TAF2: variants seen among roughly 807,000 people sequenced by gnomAD.
The protein encoded by TAF2 is transcription initiation factor TFIID subunit 2.
In TAF2, 61 loss-of-function variants were observed where a neutral mutation model predicts 138.5. That is an observed-to-expected ratio of 0.44 (90% CI 0.36 to 0.54). TAF2 has a LOEUF of 0.54. TAF2 is among the 20% of genes least tolerant of loss of function. The pLI is 0.00. For missense variants in TAF2, 1,090 were observed against 1,427.9 expected, an observed-to-expected ratio of 0.76 and a Z score of 3.81; for synonymous variants, 475 against 469.9, an observed-to-expected ratio of 1.01 and a Z score of -0.14.
chr8:119,739,816 T>TC (rs1157100337), intron 25 of TAF2, among the ~76,000 whole-genome samples: 1 of 151,220 alleles, frequency 6.6e-6, no homozygotes, highest in Non-Finnish European at 1.5e-5. Context: ...TCACACTTTT[T>TC]CAAGAAAAGC....
chr8:119,778,999 G>C (rs561875439), intron 17 of TAF2, among the ~76,000 whole-genome samples: 57 of 152,178 alleles, frequency 3.7e-4, no homozygotes, highest in Non-Finnish European at 5.7e-4. Flanking sequence ...AAGAAGCAGA[G>C]ATAACAAGAG....
At chr8:119,825,451 G>A (rs1826035871) in intron 2 of TAF2, among the ~76,000 whole-genome samples, 1 of 152,176 alleles carries the variant, frequency 6.6e-6, no homozygotes, top group Non-Finnish European at 1.5e-5. Context: ...GCTGAAATGA[G>A]TTAAGATTTT....
intron 25 of TAF2, among the ~76,000 whole-genome samples, chr8:119,735,413 T>C (rs909392709): frequency 3.3e-5 from 5 of 152,204 alleles, no homozygotes; most frequent in African/African-American, 1.2e-4. Flanking sequence ...TCACTGATTT[T>C]GAGGAGAGAA....
At chr8:119,797,924 T>C (rs1586467268) in intron 6 of TAF2, 78 bp from the exon 7 acceptor site, 5 of 1,275,636 alleles carry the variant, frequency 3.9e-6, no homozygotes, top group Non-Finnish European at 5.6e-6. Context: ...ACACCTCAAC[T>C]ATAAATAAAT....
chr8:119,823,454 G>C (rs1484199370), intron 2 of TAF2, among the ~76,000 whole-genome samples: 2 of 151,844 alleles, frequency 1.3e-5, no homozygotes, highest in Admixed American at 6.6e-5. Context: ...CTGATGGTTT[G>C]AAAAACGGGA....
intron 7 of TAF2, 103 bp downstream of exon 7, chr8:119,797,559 G>T: frequency 3.3e-6 from 4 of 1,225,324 alleles, no homozygotes; most frequent in Non-Finnish European, 4.7e-6. Context: ...TCCAAATTGC[G>T]GAAAAAAGTT....
In TAF2 at chr8:119,792,161, T is replaced by C. The variant is rs953915838; in HGVS notation, c.1278-702A>G. Among the ~76,000 whole-genome samples, 135 of 150,972 alleles carry C rather than the reference T, an allele frequency of 8.9e-4. 1 individual carries two copies. Among genetic ancestry groups the C allele is most frequent in the African/African-American group, 3.1e-3 (126 of 41,170 alleles). ...AATTTCTTTCTTTCTTTTTTTTTTT[T>C]TTTTTCTTTTGAGATAGAGTCTCGC... On this transcript the variant is annotated intron_variant, in intron 10 of 25. Coordinates refer to ENST00000378164, the MANE Select transcript of TAF2 (RefSeq NM_003184.4).
intron 22 of TAF2, among the ~76,000 whole-genome samples, chr8:119,749,364 T>C (rs1026790626): frequency 6.6e-6 from 1 of 152,174 alleles, no homozygotes; most frequent in Non-Finnish European, 1.5e-5. Context: ...TTCTGTCTTC[T>C]AAAAATGAAC....
chr8:119,793,070 G>A (rs1823552123), intron 10 of TAF2, among the ~76,000 whole-genome samples: 1 of 151,960 alleles, frequency 6.6e-6, no homozygotes, highest in Non-Finnish European at 1.5e-5. Context: ...TTTGAGATCA[G>A]CCTGGGTAAC....
chr8:119,759,727 A>C (rs1394750175), intron 20 of TAF2, among the ~76,000 whole-genome samples: 1 of 152,120 alleles, frequency 6.6e-6, no homozygotes, highest in African/African-American at 2.4e-5. Flanking sequence ...TCAGCTGAAA[A>C]TTATCTTTGG....
chr8:119,766,517 T>C (rs981550837), intron 18 of TAF2, among the ~76,000 whole-genome samples: 1 of 152,176 alleles, frequency 6.6e-6, no homozygotes, highest in African/African-American at 2.4e-5. Flanking sequence ...TGACGACTTA[T>C]GGTGGCTCAC....
chr8:119,774,015 C>T (rs1462138585), intron 18 of TAF2, among the ~76,000 whole-genome samples: 1 of 150,828 alleles, frequency 6.6e-6, no homozygotes, highest in African/African-American at 2.4e-5. Context: ...ACTAAAAATA[C>T]AAAAAATTAG....
intron 25 of TAF2, among the ~76,000 whole-genome samples, chr8:119,739,975 T>G (rs967101137): frequency 6.6e-6 from 1 of 152,076 alleles, no homozygotes; most frequent in African/African-American, 2.4e-5. Flanking sequence ...CTCAGCTTGA[T>G]GAACTGGATA....
At position 119,798,767 on chromosome 8, in the gene TAF2, A is replaced by C. The variant is rs537006864; in HGVS notation, c.793-921T>G. ...AAGGGAAATTTTTATCATAAAAATT[A>C]TTCTTCTAATAGCATTTAAAAAGAA... On this transcript the variant is annotated intron_variant, in intron 6 of 25. Coordinates refer to ENST00000378164, the MANE Select transcript of TAF2 (RefSeq NM_003184.4). Among the ~76,000 whole-genome samples, 4 of 152,326 alleles carry C rather than the reference A, an allele frequency of 2.6e-5. No homozygotes were observed. In the South Asian group the frequency reaches 8.3e-4, roughly 32 times the overall value.
chr8:119,779,347 CTGTTT>C (rs1196853833), intron 17 of TAF2, among the ~76,000 whole-genome samples: 3 of 151,550 alleles, frequency 2.0e-5, no homozygotes, highest in East Asian at 1.9e-4. Flanking sequence ...ACTACCTATT[CTGTTT>C]TATTTAAAAA....
chr8:119,744,553 G>T, intron 23 of TAF2, 160 bp from the exon 24 acceptor site: 1 of 676,836 alleles, frequency 1.5e-6, no homozygotes, highest in South Asian at 1.7e-5. Flanking sequence ...TTAAGAGAAA[G>T]AAAAGATTAT....
intron 16 of TAF2, among the ~76,000 whole-genome samples, chr8:119,783,142 C>CT (rs1463718650): frequency 5.3e-5 from 8 of 152,272 alleles, no homozygotes; most frequent in African/African-American, 1.9e-4. Context: ...TGAAAATTCT[C>CT]TTTGATTTTT....
chr8:119,755,628 G>T (rs1448817218), intron 22 of TAF2, among the ~76,000 whole-genome samples: 2 of 152,112 alleles, frequency 1.3e-5, no homozygotes, highest in African/African-American at 4.8e-5. Context: ...GCCTCTGGAA[G>T]GATACACAAG....
At chr8:119,742,744 C>T in intron 24 of TAF2, 88 bp from the exon 25 acceptor site, 3 of 1,527,180 alleles carry the variant, frequency 2.0e-6, no homozygotes, top group East Asian at 2.4e-5. Context: ...TATAAGCTAG[C>T]CTTAAAGACA....
Sources: gnomAD v4.1 joint callset for allele counts (sites outside exome capture counted in the v4.1 genomes callset) on GRCh38, gnomAD v4.1.1 for gene constraint, MANE v1.5 for transcripts, NCBI Gene and HGNC (gene_info 2026-07-23, HGNC 2026-07-21) for gene names.